The following PIP5K1B variants were observed in gnomAD, a reference collection of about 807,000 sequenced individuals.
PIP5K1B encodes the protein phosphatidylinositol 4-phosphate 5-kinase type-1 beta.
A neutral mutation model predicts 67.0 loss-of-function variants in PIP5K1B; 42 were observed. The ratio of observed to expected loss-of-function variants is 0.63; its 90% CI spans 0.49 to 0.81. PIP5K1B has a LOEUF of 0.81. Ranked by LOEUF, PIP5K1B falls within the 30% of genes least tolerant of loss-of-function variation. The pLI is 0.00. For missense variants in PIP5K1B, 459 were observed against 646.3 expected (o/e 0.71, Z 3.14); for synonymous variants, 214 against 231.4 (o/e 0.92, Z 0.68).
chr9:68,873,869 C>T (rs951517395), intron 5 of PIP5K1B, among the ~76,000 whole-genome samples: 2 of 152,136 alleles, frequency 1.3e-5, no homozygotes, highest in African/African-American at 2.4e-5. Flanking sequence ...TCTTAACTAC[C>T]ACACAGTGTA....
At chr9:68,870,561 T>C (rs1564195910) in intron 5 of PIP5K1B, among the ~76,000 whole-genome samples, 1 of 152,224 alleles carries the variant, frequency 6.6e-6, no homozygotes, top group Non-Finnish European at 1.5e-5. Flanking sequence ...CTTGGCTGAA[T>C]TGGCAGAGGC....
chr9:68,835,563 C>A (rs1834558086), intron 4 of PIP5K1B, among the ~76,000 whole-genome samples: 1 of 152,180 alleles, frequency 6.6e-6, no homozygotes, highest in African/African-American at 2.4e-5. Flanking sequence ...GGGGACTTGG[C>A]AGTCCAGGTA....
At chr9:68,825,573 C>T (rs2027023) in intron 4 of PIP5K1B, among the ~76,000 whole-genome samples, 8,536 of 152,212 alleles carry the variant, frequency 0.056, 466 homozygotes, top group African/African-American at 0.14. Context: ...GTCCTGAAGC[C>T]CTGATCATAA....
At chr9:68,969,484 G>A (rs571674710) in intron 14 of PIP5K1B, among the ~76,000 whole-genome samples, 54 of 151,614 alleles carry the variant, frequency 3.6e-4, no homozygotes, top group Non-Finnish European at 6.3e-4. Context: ...TCATTTGATC[G>A]CAGGCACAGT....
At chr9:68,840,804 G>A (rs1291676343) in intron 4 of PIP5K1B, among the ~76,000 whole-genome samples, 3 of 152,136 alleles carry the variant, frequency 2.0e-5, no homozygotes, top group African/African-American at 2.4e-5. Flanking sequence ...AACCTTGATC[G>A]TATTTGCAAC....
At chr9:68,865,744 G>A (rs772727978) in intron 5 of PIP5K1B, among the ~76,000 whole-genome samples, 6 of 152,206 alleles carry the variant, frequency 3.9e-5, no homozygotes, top group Non-Finnish European at 8.8e-5. Context: ...TGCTAGACAT[G>A]CAGATTCTTG....
At chr9:68,980,467 G>A (rs536356034) in intron 14 of PIP5K1B, among the ~76,000 whole-genome samples, 15 of 152,198 alleles carry the variant, frequency 9.9e-5, no homozygotes, top group South Asian at 2.1e-4. Flanking sequence ...AAGGTCTTAC[G>A]ATAAATCTGT....
intron 11 of PIP5K1B, among the ~76,000 whole-genome samples, chr9:68,920,803 T>TACAC (rs59573461): frequency 0.1 from 14,143 of 141,450 alleles, 779 homozygotes; most frequent in Middle Eastern, 0.13. Flanking sequence ...TACACACACA[T>TACAC]ACACACACAC....
At chr9:68,749,076 A>T (rs377728484) in intron 2 of PIP5K1B, among the ~76,000 whole-genome samples, 17 of 152,214 alleles carry the variant, frequency 1.1e-4, no homozygotes, top group African/African-American at 4.1e-4. Flanking sequence ...AATGAGAATA[A>T]TAATATCTAC....
At chr9:68,885,867 T>C (rs1417491484) in intron 6 of PIP5K1B, among the ~76,000 whole-genome samples, 1 of 152,180 alleles carries the variant, frequency 6.6e-6, no homozygotes, top group East Asian at 1.9e-4. Flanking sequence ...AAATCATTAT[T>C]TGTCGATCGA....
rs1192045814 is a variant in PIP5K1B, at chr9:69,008,603, A to G, written c.*154A>G. ...TGACTTAAGAGTTTTCAAGATGTCAACTTCAGGCTGATCAGCAGATGGGAT... is the reference window on the plus strand; with the variant it reads ...TGACTTAAGAGTTTTCAAGATGTCAGCTTCAGGCTGATCAGCAGATGGGAT... On this transcript the variant is annotated 3_prime_UTR_variant, in exon 16 of 16. Coordinates refer to ENST00000265382, the MANE Select transcript of PIP5K1B (RefSeq NM_003558.4). 1 of 734,600 alleles carries G rather than the reference A, an allele frequency of 1.4e-6. No individual in the cohort carries two copies. The highest frequency in any genetic ancestry group is 2.5e-6 in the Non-Finnish European group (1 of 402,402). The allele number at this position is 734,600 out of a possible 1,614,324, so 45.5% of individuals were successfully genotyped here. A position where few individuals can be genotyped will look rare whatever the true frequency, so the allele number is the denominator to read the frequency against.
At chr9:68,754,774 C>G (rs1829838957) in intron 2 of PIP5K1B, among the ~76,000 whole-genome samples, 1 of 152,076 alleles carries the variant, frequency 6.6e-6, no homozygotes, top group East Asian at 1.9e-4. Flanking sequence ...ATTAAAATAA[C>G]AGAGGTTATA....
chr9:68,718,755 C>G (rs1382236175), intron 1 of PIP5K1B, among the ~76,000 whole-genome samples: 1 of 152,154 alleles, frequency 6.6e-6, no homozygotes, highest in East Asian at 1.9e-4. Context: ...AGTATTCATT[C>G]AGGAATGCAA....
intron 4 of PIP5K1B, among the ~76,000 whole-genome samples, chr9:68,837,360 A>G (rs1211327977): frequency 6.6e-6 from 1 of 152,240 alleles, no homozygotes; most frequent in East Asian, 1.9e-4. Flanking sequence ...CCTCAAGAGT[A>G]CTAAGCACTG....
chr9:68,910,164 A>C lies in PIP5K1B; in HGVS notation c.772-7384A>C, dbSNP rs551498050. 5.3e-4 allele frequency among the ~76,000 whole-genome samples: 80 copies of C among 152,296 alleles called. No individual in the cohort carries two copies. In the South Asian group the frequency reaches 0.016, roughly 31 times the overall value. On this transcript the variant is annotated intron_variant, in intron 8 of 15. Transcript: ENST00000265382. The stretch of plus-strand genomic sequence containing the variant: ...AAGAAAAATGTGATAGTCTTACTAG[A>C]CTCAAAGCTCAGCCTAATTTATAGC...
chr9:68,965,125 A>G (rs1828950897), intron 14 of PIP5K1B, among the ~76,000 whole-genome samples: 1 of 152,234 alleles, frequency 6.6e-6, no homozygotes, highest in South Asian at 2.1e-4. Flanking sequence ...TTGACCAGCT[A>G]CACTACTTTA....
At chr9:68,999,844 G>C (rs1830741111) in intron 15 of PIP5K1B, among the ~76,000 whole-genome samples, 1 of 152,230 alleles carries the variant, frequency 6.6e-6, no homozygotes, top group Non-Finnish European at 1.5e-5. Context: ...CGGGGAAGGA[G>C]TGATGGAGCC....
chr9:68,727,588 C>T (rs1828216051), intron 1 of PIP5K1B: 1 of 152,114 alleles, frequency 6.6e-6, no homozygotes, highest in Non-Finnish European at 1.5e-5. Flanking sequence ...GCTCTTGCTG[C>T]ATTCTAGGTA....
At chr9:68,856,434 G>A (rs1317660244) in intron 4 of PIP5K1B, among the ~76,000 whole-genome samples, 1 of 152,104 alleles carries the variant, frequency 6.6e-6, no homozygotes, top group Admixed American at 6.6e-5. Context: ...TTGTTGACTG[G>A]CCCATTCTCA....
Sources: gnomAD v4.1 joint callset for allele counts (sites outside exome capture counted in the v4.1 genomes callset) on GRCh38, gnomAD v4.1.1 for gene constraint, MANE v1.5 for transcripts, NCBI Gene and HGNC (gene_info 2026-07-23, HGNC 2026-07-21) for gene names.